The following BCR variants were observed in gnomAD, a reference collection of about 807,000 sequenced individuals.
BCR encodes BCR activator of RhoGEF and GTPase.
Under a neutral mutation model 138.6 loss-of-function variants are expected in BCR, and 58 were observed. The observed-to-expected ratio is 0.42, with a 90% CI of 0.34 to 0.52. The LOEUF is 0.52. Among genes scored for constraint, BCR ranks in the 20% least tolerant of loss-of-function variants. The pLI is 0.06. For synonymous variants in BCR, 786 were observed against 730.1 expected (o/e 1.08, Z -1.23); for missense variants, 1,599 against 1,727.2 (o/e 0.93, Z 1.32).
intron 1 of BCR, among the ~76,000 whole-genome samples, chr22:23,208,011 C>G (rs370230968): frequency 2.7e-4 from 41 of 152,336 alleles, no homozygotes; most frequent in African/African-American, 9.6e-4. Context: ...CCCATCTGTA[C>G]CCACCTTTGC....
chr22:23,191,301 T>C (rs2072411029), intron 1 of BCR, among the ~76,000 whole-genome samples: 1 of 152,222 alleles, frequency 6.6e-6, no homozygotes, highest in Non-Finnish European at 1.5e-5. Context: ...GTCTCCCTTA[T>C]TAAAAACGAA....
At chr22:23,241,480 C>T (rs1186656156) in intron 1 of BCR, among the ~76,000 whole-genome samples, 1 of 150,292 alleles carries the variant, frequency 6.7e-6, no homozygotes, top group Non-Finnish European at 1.5e-5. Context: ...TCAGACCTCA[C>T]TCCCCATGCT....
chr22:23,187,280 T>A (rs1356040043), intron 1 of BCR, among the ~76,000 whole-genome samples: 21 of 53,700 alleles, frequency 3.9e-4, no homozygotes, highest in Middle Eastern at 0.014. Context: ...TTAAAATACT[T>A]TTTTTTTTTT....
chr22:23,235,820 C>T (rs2073016408), intron 1 of BCR, among the ~76,000 whole-genome samples: 1 of 152,134 alleles, frequency 6.6e-6, no homozygotes, highest in South Asian at 2.1e-4. Flanking sequence ...TTGCTGTGTT[C>T]TCACCTGGTG....
At position 23,303,689 on chromosome 22, in the gene BCR, G is replaced by A. The variant is rs1568983077; in HGVS notation, c.3013-5735G>A. On this transcript the variant is annotated intron_variant, in intron 16 of 22. Transcript: ENST00000305877. Reference sequence around the variant, plus strand: ...ATCATGAAAATGTAAGATCACATGAGCAAATTCTTACACAGATTCCACGGG... The same window carrying A: ...ATCATGAAAATGTAAGATCACATGAACAAATTCTTACACAGATTCCACGGG... 2.6e-5 allele frequency among the ~76,000 whole-genome samples: 4 copies of A among 152,328 alleles called. No individual in the cohort carries two copies. In the South Asian group the frequency reaches 6.2e-4, roughly 24 times the overall value.
intron 14 of BCR, chr22:23,290,778 C>G: frequency 3.5e-6 from 1 of 284,266 alleles, no homozygotes; most frequent in Non-Finnish European, 6.9e-6. Flanking sequence ...CTTCACCCCA[C>G]AGCAGAGCAG....
At chr22:23,269,724 C>T (rs1374168621) in intron 5 of BCR, among the ~76,000 whole-genome samples, 2 of 152,194 alleles carry the variant, frequency 1.3e-5, no homozygotes, top group Admixed American at 1.3e-4. Context: ...TTCTCTTTTC[C>T]TTTTTCATTA....
intron 1 of BCR, among the ~76,000 whole-genome samples, chr22:23,184,283 G>A (rs1214800251): frequency 6.6e-6 from 1 of 151,856 alleles, no homozygotes; most frequent in Non-Finnish European, 1.5e-5. Context: ...TAAATACAGG[G>A]TCTTGCTGTG....
rs771045791 is a variant in BCR, at chr22:23,285,144, G to C, written c.2349G>C (p.Glu783Asp). 1 of 1,614,018 alleles carries C rather than the reference G, an allele frequency of 6.2e-7. No individual in the cohort carries two copies. The highest frequency in any genetic ancestry group is 1.7e-5 in the Admixed American group (1 of 60,010). The change falls in exon 10 of 23, where the codon GAG becomes GAC. Residue 783 changes from glutamate (E) to aspartate (D), a missense_variant. Glu to Asp is a conservative substitution (Grantham distance 45, BLOSUM62 2). This residue lies in a region of BCR where 590 missense variants were observed against 762.4 expected (regional missense o/e 0.77). Transcript: ENST00000305877. ...ACATCCCCCTGGTGCCCGATGAGGA[G>C]CTGGACGCTTTGAAGATCAAGATCT... is the stretch of plus-strand genomic sequence containing the variant. ...VPNIPLVPDE[E>D]LDALKIKISQ...
intron 1 of BCR, among the ~76,000 whole-genome samples, chr22:23,191,176 C>T (rs2072409074): frequency 6.6e-6 from 1 of 152,236 alleles, no homozygotes; most frequent in Non-Finnish European, 1.5e-5. Flanking sequence ...AACGATCCTT[C>T]CCGCCTCGGC....
chr22:23,276,932 C>T (rs1318058047), intron 8 of BCR, among the ~76,000 whole-genome samples: 1 of 152,246 alleles, frequency 6.6e-6, no homozygotes, highest in African/African-American at 2.4e-5. Flanking sequence ...TCCGTGGCCC[C>T]TCCACTGGGT....
At chr22:23,265,759 C>T (rs1438880727) in intron 4 of BCR, among the ~76,000 whole-genome samples, 2 of 152,204 alleles carry the variant, frequency 1.3e-5, no homozygotes, top group South Asian at 2.1e-4. Context: ...TCTGTGCACA[C>T]GCAAACGCAC....
rs131672 is a variant in BCR, at chr22:23,260,068, C to T, written c.1462-882C>T. The stretch of plus-strand genomic sequence containing the variant: ...AAGGCCCTGCCTTCAGATACGGTAA[C>T]GTTCTAAGGTACTGGGGGTTAGGGC... On this transcript the variant is annotated intron_variant, in intron 2 of 22. Transcript: ENST00000305877. Among the ~76,000 whole-genome samples, 273 of 152,282 alleles carry T rather than the reference C, an allele frequency of 1.8e-3. 10 individuals carry two copies. The East Asian group carries it at 0.051, about 28-fold the overall frequency.
intron 1 of BCR, among the ~76,000 whole-genome samples, chr22:23,213,651 CG>C (rs1329978020): frequency 1.3e-5 from 2 of 151,928 alleles, no homozygotes; most frequent in Non-Finnish European, 2.9e-5. Flanking sequence ...AGTGAGAGCT[CG>C]TCTCTCCAAA....
At chr22:23,262,798 G>A in intron 4 of BCR, 1 of 985,424 alleles carries the variant, frequency 1.0e-6, no homozygotes, top group African/African-American at 1.7e-5. Context: ...GGAAGAGGAA[G>A]GGAAAAGCGA....
chr22:23,278,135 A>G (rs151102422), intron 8 of BCR, among the ~76,000 whole-genome samples: 7 of 152,230 alleles, frequency 4.6e-5, no homozygotes, highest in African/African-American at 7.2e-5. Flanking sequence ...CTCTCTGTCT[A>G]CTCGGAGCCT....
chr22:23,298,713 A>AG (rs1392897922), intron 16 of BCR, among the ~76,000 whole-genome samples: 2 of 151,912 alleles, frequency 1.3e-5, no homozygotes, highest in Admixed American at 6.6e-5. Flanking sequence ...CTGCTGCCGC[A>AG]GCCTCCTGAA....
intron 13 of BCR, chr22:23,289,834 G>GTAGGAACAGAGCAC: frequency 1.7e-6 from 1 of 586,048 alleles, no homozygotes. Flanking sequence ...CTGCTGGGTG[G>GTAGGAACAGAGCAC]TTGAGGAGAT....
At chr22:23,199,017 G>A (rs1264281237) in intron 1 of BCR, among the ~76,000 whole-genome samples, 1 of 152,042 alleles carries the variant, frequency 6.6e-6, no homozygotes, top group Non-Finnish European at 1.5e-5. Context: ...AGCTACTCAG[G>A]AGGCTGAGGC....
Sources: allele counts gnomAD v4.1 joint callset (sites outside exome capture counted in the v4.1 genomes callset), GRCh38; gene constraint gnomAD v4.1.1; regional missense constraint gnomAD v4.1.1; transcripts MANE v1.5; gene names NCBI Gene and HGNC (gene_info 2026-07-23, HGNC 2026-07-21).